NEDD4L: variants seen among roughly 807,000 people sequenced by gnomAD.
The protein encoded by NEDD4L is E3 ubiquitin-protein ligase NEDD4-like.
Under a neutral mutation model 148.9 loss-of-function variants are expected in NEDD4L, and 54 were observed. The ratio of observed to expected loss-of-function variants is 0.36; its 90% CI spans 0.29 to 0.45. NEDD4L has a LOEUF of 0.45. Ranked by LOEUF, NEDD4L falls within the 20% of genes least tolerant of loss-of-function variation. NEDD4L has a pLI of 1.00. For synonymous variants in NEDD4L, 433 were observed against 440.7 expected (o/e 0.98, Z 0.22); for missense variants, 856 against 1,233.8 (o/e 0.69, Z 4.59).
chr18:58,117,573 G>C (rs1450517432), intron 1 of NEDD4L, among the ~76,000 whole-genome samples: 11 of 152,180 alleles, frequency 7.2e-5, no homozygotes, highest in Admixed American at 2.0e-4. Flanking sequence ...GTTTCCCTGG[G>C]ATTGTTCGAA....
intron 16 of NEDD4L, among the ~76,000 whole-genome samples, chr18:58,346,248 A>G (rs2043055856): frequency 6.6e-6 from 1 of 152,190 alleles, no homozygotes; most frequent in Non-Finnish European, 1.5e-5. Flanking sequence ...TCAAAATCCA[A>G]AATGATCCAA....
chr18:58,151,118 A>G (rs190441348), intron 1 of NEDD4L, among the ~76,000 whole-genome samples: 1 of 152,328 alleles, frequency 6.6e-6, no homozygotes, highest in East Asian at 1.9e-4. Flanking sequence ...TTCCTTTGCC[A>G]AACATGCATT....
chr18:58,175,458 T>C (rs746783551), intron 2 of NEDD4L, among the ~76,000 whole-genome samples: 15 of 151,536 alleles, frequency 9.9e-5, no homozygotes, highest in Non-Finnish European at 1.6e-4. Context: ...CCTCCCCCAT[T>C]GAGGAGCAGC....
intron 1 of NEDD4L, among the ~76,000 whole-genome samples, chr18:58,145,477 T>C (rs1330243421): frequency 6.6e-6 from 1 of 152,214 alleles, no homozygotes; most frequent in Admixed American, 6.5e-5. Flanking sequence ...TTTCCTCTTT[T>C]GTAAAATACA....
In NEDD4L at chr18:58,127,990, T is replaced by TGCCACCATGCCCGGC. The variant is rs534224307; in HGVS notation, c.49-37797_49-37783dup. On this transcript the variant is annotated intron_variant, in intron 1 of 30. Transcript: ENST00000400345. ...AAGTGATTCTTGTGCCTCAGCCCAG[T>TGCCACCATGCCCGGC]GCCACCATGCCCGGCTAATTTTTTT... Among the ~76,000 whole-genome samples the TGCCACCATGCCCGGC allele has an allele frequency of 2.2e-3, 339 of 152,196 alleles. 6 individuals are homozygous for TGCCACCATGCCCGGC. The East Asian group carries it at 0.051, about 23-fold the overall frequency.
intron 24 of NEDD4L, among the ~76,000 whole-genome samples, chr18:58,379,793 C>T (rs928558727): frequency 2.0e-5 from 3 of 152,254 alleles, no homozygotes; most frequent in Admixed American, 1.3e-4. Context: ...ATGAAAGTGT[C>T]ACCTGTAACG....
intron 19 of NEDD4L, chr18:58,360,165 C>T (rs918046999): frequency 6.6e-6 from 1 of 152,218 alleles, no homozygotes; most frequent in Non-Finnish European, 1.5e-5. Flanking sequence ...TCGCTATCAT[C>T]ATGTACCTAT....
At chr18:58,089,274 C>T (rs2083930878) in intron 1 of NEDD4L, among the ~76,000 whole-genome samples, 1 of 151,866 alleles carries the variant, frequency 6.6e-6, no homozygotes, top group Non-Finnish European at 1.5e-5. Context: ...GGTGGGATTA[C>T]AGGTGCATGC....
chr18:58,114,200 C>T (rs143590798), intron 1 of NEDD4L, among the ~76,000 whole-genome samples: 47 of 152,240 alleles, frequency 3.1e-4, no homozygotes, highest in Admixed American at 5.2e-4. Context: ...AATTAGAAAA[C>T]GTGCTTTCAC....
chr18:58,125,358 G>GGTGTGTGTGTGTGTGT (rs34644275), intron 1 of NEDD4L, among the ~76,000 whole-genome samples: 111 of 148,820 alleles, frequency 7.5e-4, no homozygotes, highest in Non-Finnish European at 1.2e-3. Flanking sequence ...CCACCAGGAG[G>GGTGTGTGTGTGTGTGT]GTGTGTGTGT....
intron 5 of NEDD4L, among the ~76,000 whole-genome samples, chr18:58,277,867 A>G (rs757636412): frequency 2.0e-5 from 3 of 152,092 alleles, no homozygotes; most frequent in Non-Finnish European, 4.4e-5. Context: ...CATTGTTGTA[A>G]TATCATAACA....
chr18:58,345,258 C>T (rs550321765), intron 16 of NEDD4L, among the ~76,000 whole-genome samples: 4 of 152,208 alleles, frequency 2.6e-5, no homozygotes, highest in South Asian at 2.1e-4. Flanking sequence ...GCTGCGCTAT[C>T]GCTTCTAAAC....
In NEDD4L at chr18:58,256,575, G is replaced by A. The variant is rs1568490047; in HGVS notation, c.297+4521G>A. The stretch of plus-strand genomic sequence containing the variant: ...CTGGAGGCATCGCCTCGAGCTGGCA[G>A]GATGGCTCCTGAAATCCGCAGGACG... On this transcript the variant is annotated intron_variant, in intron 5 of 30. Transcript: ENST00000400345. This position sits in a 1 kb window ranked among gnomAD's most constrained non-coding sequence, Gnocchi z 5.2. 8.1e-7 allele frequency: 1 copy of A among 1,232,372 alleles called. No homozygotes were observed. Among genetic ancestry groups the A allele is most frequent in the South Asian group, 4.1e-5 (1 of 24,324 alleles). 76.3% of individuals were successfully genotyped at this position (1,232,372 alleles called of 1,614,324 possible). A position where few individuals can be genotyped will look rare whatever the true frequency, so the allele number is the denominator to read the frequency against.
intron 1 of NEDD4L, among the ~76,000 whole-genome samples, chr18:58,057,025 A>G (rs1345073579): frequency 6.6e-6 from 1 of 151,516 alleles, no homozygotes; most frequent in Non-Finnish European, 1.5e-5. Flanking sequence ...TCCTGCAACC[A>G]GTCACCGTGG....
intron 5 of NEDD4L, among the ~76,000 whole-genome samples, chr18:58,253,287 G>C (rs2048137407): frequency 6.6e-6 from 1 of 152,192 alleles, no homozygotes; most frequent in Admixed American, 6.5e-5. Context: ...GGTCTGACCT[G>C]CTGGCCTCCT....
intron 5 of NEDD4L, among the ~76,000 whole-genome samples, chr18:58,285,245 A>C (rs987497974): frequency 6.6e-6 from 1 of 152,118 alleles, no homozygotes; most frequent in South Asian, 2.1e-4. Flanking sequence ...GTGAGTGGTC[A>C]TGTGGTTTAT....
intron 2 of NEDD4L, among the ~76,000 whole-genome samples, chr18:58,216,377 A>T (rs1568407448): frequency 1.3e-5 from 2 of 152,144 alleles, no homozygotes; most frequent in African/African-American, 4.8e-5. Flanking sequence ...GGTTGTAGTA[A>T]GTCAGCCTGG....
At chr18:58,337,707 C>T (rs2041948400) in intron 13 of NEDD4L, among the ~76,000 whole-genome samples, 1 of 152,056 alleles carries the variant, frequency 6.6e-6, no homozygotes, top group Admixed American at 6.5e-5. Context: ...GTGTTAATTT[C>T]CCGACATTCA....
Position 58,299,115 on chromosome 18 carries a change from C to T in NEDD4L, c.298-16867C>T, listed in dbSNP as rs1355398608. Among the ~76,000 whole-genome samples the T allele has an allele frequency of 2.0e-5, 3 of 152,242 alleles. No homozygotes were observed. The South Asian group carries it at 6.2e-4, about 31-fold the overall frequency. On this transcript the variant is annotated intron_variant, in intron 5 of 30. Transcript: ENST00000400345. ...TGGTCTTGTATGCACAGTAATCATT[C>T]TGAAGTGTATGATTCTGTTTTATTA...
Sources: gnomAD v4.1 joint callset for allele counts (sites outside exome capture counted in the v4.1 genomes callset) on GRCh38, gnomAD v4.1.1 for gene constraint, Gnocchi (gnomAD v3.1) non-coding constraint, MANE v1.5 for transcripts, NCBI Gene and HGNC (gene_info 2026-07-23, HGNC 2026-07-21) for gene names.